PAN3: variants seen among roughly 807,000 people sequenced by gnomAD.
PAN3 encodes PAN2-PAN3 deadenylation complex subunit PAN3.
PAN3 carries 19 observed loss-of-function variants against 96.2 expected under a neutral mutation model. That is an observed-to-expected ratio of 0.20 (90% CI 0.14 to 0.29). The LOEUF (loss-of-function observed/expected upper bound fraction) is 0.29. PAN3 is among the 10% of genes least tolerant of loss of function. PAN3 has a pLI of 1.00. For synonymous variants in PAN3, 433 were observed against 406.6 expected (o/e 1.06, Z -0.78); for missense variants, 882 against 1,108.1 (o/e 0.80, Z 2.90).
chr13:28,292,333 T>G (rs1175436441), intron 18 of PAN3, 49 bp from the exon 19 acceptor site: 1 of 1,489,882 alleles, frequency 6.7e-7, no homozygotes, highest in Non-Finnish European at 9.0e-7. Flanking sequence ...GTAGATAAAT[T>G]CTTTTCTGCA....
intron 6 of PAN3, among the ~76,000 whole-genome samples, chr13:28,241,237 T>G (rs1015596004): frequency 3.3e-5 from 5 of 152,166 alleles, no homozygotes; most frequent in African/African-American, 9.7e-5. Flanking sequence ...CACTCCAGCC[T>G]GGGCAACAGA....
Position 28,283,732 on chromosome 13 carries a change from T to G in PAN3, c.2384+2353T>G, listed in dbSNP as rs146292795. ...AACAACCCTATGATGGAGTTACCAT[T>G]GTTATTCCTATTTAACAGAGTAATT... On this transcript the variant is annotated intron_variant, in intron 17 of 18. Transcript: ENST00000380958. 3.7e-3 allele frequency among the ~76,000 whole-genome samples: 569 copies of G among 152,324 alleles called. 3 individuals carry two copies. The highest frequency in any genetic ancestry group is 6.6e-3 in the Non-Finnish European group (451 of 68,036).
In PAN3 at chr13:28,288,116, TAAC is replaced by T. The variant is rs1235619131; in HGVS notation, c.2520_2522del (p.Asn840del). Reference sequence around the variant, plus strand: ...ACCTCAGTCATATAATTTCTTGTCTTAACAAGGTAATTTGTATCTAGATTTTTT... The same window carrying T: ...ACCTCAGTCATATAATTTCTTGTCTTAAGGTAATTTGTATCTAGATTTTTT... On this transcript the variant is annotated inframe_deletion, in exon 18 of 19. Coordinates refer to ENST00000380958, the MANE Select transcript of PAN3 (RefSeq NM_175854.8). The T allele has an allele frequency of 6.2e-7, 1 of 1,600,658 alleles. No homozygotes were observed. The highest frequency in any genetic ancestry group is 8.5e-7 in the Non-Finnish European group (1 of 1,175,954).
intron 7 of PAN3, among the ~76,000 whole-genome samples, chr13:28,257,758 A>AATATAT (rs1885318817): frequency 2.2e-5 from 3 of 137,916 alleles, no homozygotes; most frequent in African/African-American, 8.2e-5. Context: ...ATATATAATT[A>AATATAT]ATTATATATT....
At chr13:28,230,809 A>T (rs921204906) in intron 6 of PAN3, among the ~76,000 whole-genome samples, 1 of 152,202 alleles carries the variant, frequency 6.6e-6, no homozygotes, top group Admixed American at 6.5e-5. Flanking sequence ...TTTGTAAACA[A>T]CACAACACAA....
chr13:28,208,107 G>T (rs868672830), intron 5 of PAN3, among the ~76,000 whole-genome samples: 1 of 151,942 alleles, frequency 6.6e-6, no homozygotes, highest in Non-Finnish European at 1.5e-5. Context: ...AAATATCAAC[G>T]TGGAAAATAT....
chr13:28,235,427 C>T (rs1320037271), intron 6 of PAN3, among the ~76,000 whole-genome samples: 1 of 152,122 alleles, frequency 6.6e-6, no homozygotes, highest in Non-Finnish European at 1.5e-5. Context: ...AGTACATCTC[C>T]TGTTCTTTAA....
In PAN3 at chr13:28,150,624, G is replaced by A. The variant is rs532700817; in HGVS notation, c.430+11537G>A. The stretch of plus-strand genomic sequence containing the variant: ...TGCCCTCCAGCCTAGGCGACAGAGC[G>A]AGACTCTGTCTCCAAAAAAAAAAAA... On this transcript the variant is annotated intron_variant, in intron 1 of 18. Coordinates refer to ENST00000380958, the MANE Select transcript of PAN3 (RefSeq NM_175854.8). Among the ~76,000 whole-genome samples the A allele has an allele frequency of 2.2e-3, 321 of 144,208 alleles. 5 individuals are homozygous for A. The highest frequency in any genetic ancestry group is 3.8e-3 in the Admixed American group (54 of 14,382). 94.6% of individuals were successfully genotyped at this position (144,208 alleles called of 152,430 possible).
intron 5 of PAN3, chr13:28,214,519 TG>T (rs1880487984): frequency 3.7e-6 from 1 of 270,542 alleles, no homozygotes; most frequent in Non-Finnish European, 7.1e-6. Flanking sequence ...ACAGCCAAAA[TG>T]GGAAGAGACT....
At chr13:28,194,450 G>GTATATATATATATATA (rs1372227182) in intron 4 of PAN3, among the ~76,000 whole-genome samples, 2 of 100,086 alleles carry the variant, frequency 2.0e-5, no homozygotes, top group African/African-American at 8.6e-5. Context: ...ATATATGTAT[G>GTATATATATATATATA]TATATATATA....
At chr13:28,254,067 GC>G (rs1566231349) in intron 6 of PAN3, among the ~76,000 whole-genome samples, 1 of 152,046 alleles carries the variant, frequency 6.6e-6, no homozygotes, top group African/African-American at 2.4e-5. Flanking sequence ...GCTACACATA[GC>G]CCCATCCCCA....
Position 28,201,917 on chromosome 13 carries a change from C to T in PAN3, c.852+4571C>T, listed in dbSNP as rs140340226. 3.9e-3 allele frequency among the ~76,000 whole-genome samples: 601 copies of T among 152,230 alleles called. 13 individuals carry two copies. The highest frequency in any genetic ancestry group is 0.021 in the East Asian group (108 of 5,186). ...TACAAATCTGGAAAGTCTAGAAATA[C>T]GGTTTAATTTTTGGTTTTCCAGATT... On this transcript the variant is annotated intron_variant, in intron 5 of 18. Coordinates refer to ENST00000380958, the MANE Select transcript of PAN3 (RefSeq NM_175854.8).
At position 28,270,797 on chromosome 13, in the gene PAN3, C is replaced by G. The variant is rs768121338; in HGVS notation, c.1889C>G (p.Thr630Ser). ...GTCCAACTAAGTTCTGCATTGCGTACCATTCATACAGCAGGTTTGGCATGT... is the reference window on the plus strand; with the variant it reads ...GTCCAACTAAGTTCTGCATTGCGTAGCATTCATACAGCAGGTTTGGCATGT... ...YIVQLSSALRTIHTAGLACRV... is the reference protein window; with the variant it reads ...YIVQLSSALRSIHTAGLACRV... The change falls in exon 13 of 19, where the codon ACC becomes AGC. Residue 630 changes from threonine to serine, a missense_variant. This residue lies in a region of PAN3 where 364 missense variants were observed against 513.6 expected (regional missense o/e 0.71). Transcript: ENST00000380958. 2 of 1,613,924 alleles carry G rather than the reference C, an allele frequency of 1.2e-6. No homozygotes were observed. Among genetic ancestry groups the G allele is most frequent in the African/African-American group, 1.3e-5 (1 of 75,028 alleles).
At chr13:28,171,328 C>T (rs1311026944) in intron 1 of PAN3, among the ~76,000 whole-genome samples, 2 of 152,104 alleles carry the variant, frequency 1.3e-5, no homozygotes, top group Non-Finnish European at 2.9e-5. Flanking sequence ...GAGTTTTTTT[C>T]CCACACCAGC....
Position 28,267,388 on chromosome 13 carries a change from C to G in PAN3, c.1779C>G (p.Thr593=), listed in dbSNP as rs1308172248. The stretch of plus-strand genomic sequence containing the variant: ...ACCCTAATGCTGATGCCTACTTCAC[C>G]AAGAGAAAGTGGGGTAAGAAAAAGA... ...FNDPNADAYF[T]KRKWGQHEGP... Residue 593 remains threonine (T), a synonymous_variant, in exon 12 of 19, where the codon ACC becomes ACG. Coordinates refer to ENST00000380958, the MANE Select transcript of PAN3 (RefSeq NM_175854.8). 6.2e-7 allele frequency: 1 copy of G among 1,612,702 alleles called. No homozygotes were observed. Among genetic ancestry groups the G allele is most frequent in the African/African-American group, 1.3e-5 (1 of 74,846 alleles).
In PAN3 at chr13:28,174,384, C is replaced by T; in HGVS notation, c.543C>T (p.Pro181=). 1.2e-6 allele frequency: 2 copies of T among 1,612,870 alleles called. No homozygotes were observed. The highest frequency in any genetic ancestry group is 1.7e-6 in the Non-Finnish European group (2 of 1,179,130). The part of the protein sequence containing the change: ...GFGSPVETKY[P]LMQRMTNSSS... ...GAAGCCCTGTAGAAACAAAATATCCCCTGATGCAGGTATCCTTAGTATAAA... is the reference window on the plus strand; with the variant it reads ...GAAGCCCTGTAGAAACAAAATATCCTCTGATGCAGGTATCCTTAGTATAAA... Residue 181 remains proline, a synonymous_variant, in exon 2 of 19, where the codon CCC becomes CCT. Coordinates refer to ENST00000380958, the MANE Select transcript of PAN3 (RefSeq NM_175854.8).
intron 1 of PAN3, among the ~76,000 whole-genome samples, chr13:28,163,495 C>G (rs1041852781): frequency 6.6e-6 from 1 of 152,182 alleles, no homozygotes; most frequent in Non-Finnish European, 1.5e-5. Flanking sequence ...TTCCACACCA[C>G]AACCCTATGA....
At chr13:28,188,501 T>C (rs1259105045) in intron 4 of PAN3, among the ~76,000 whole-genome samples, 1 of 152,008 alleles carries the variant, frequency 6.6e-6, no homozygotes, top group Admixed American at 6.6e-5. Flanking sequence ...TGTGGGAGAC[T>C]GAGGTGGGAG....
rs202200725 is a variant in PAN3, at chr13:28,169,222, C to CTTTTT, written c.431-5030_431-5026dup. On this transcript the variant is annotated intron_variant, in intron 1 of 18. Transcript: ENST00000380958. ...CATTTTCTCATTTTTTTTTTGTTTGCTTTTTTTTTTTTTTTTTTTTTTTTG... is the reference window on the plus strand; with the variant it reads ...CATTTTCTCATTTTTTTTTTGTTTGCTTTTTTTTTTTTTTTTTTTTTTTTTTTTTG... 4.8e-3 allele frequency among the ~76,000 whole-genome samples: 361 copies of CTTTTT among 74,980 alleles called. 9 individuals are homozygous for CTTTTT. The highest frequency in any genetic ancestry group is 7.9e-3 in the African/African-American group (141 of 17,864). The allele number at this position is 74,980 out of a possible 152,430, so 49.2% of individuals were successfully genotyped here.
Sources: gnomAD v4.1 joint callset for allele counts (sites outside exome capture counted in the v4.1 genomes callset) on GRCh38, gnomAD v4.1.1 for gene constraint, gnomAD v4.1.1 regional missense constraint, MANE v1.5 for transcripts, NCBI Gene and HGNC (gene_info 2026-07-23, HGNC 2026-07-21) for gene names.